ANKRD50: variants seen among roughly 807,000 people sequenced by gnomAD.
ANKRD50 encodes the protein ankyrin repeat domain 50, also known as ankyrin repeat domain-containing protein 50.
In ANKRD50, 40 loss-of-function variants were observed where a neutral mutation model predicts 112.0. The ratio of observed to expected loss-of-function variants is 0.36; its 90% CI spans 0.28 to 0.46. The LOEUF (loss-of-function observed/expected upper bound fraction) is 0.46. Ranked by LOEUF, ANKRD50 falls within the 20% of genes least tolerant of loss-of-function variation. ANKRD50 has a pLI of 1.00. For synonymous variants in ANKRD50, 613 were observed against 619.1 expected (o/e 0.99, Z 0.15); for missense variants, 1,487 against 1,701.7 (o/e 0.87, Z 2.22).
chr4:124,703,300 A>G (rs1022285737), intron 2 of ANKRD50, among the ~76,000 whole-genome samples: 1 of 152,210 alleles, frequency 6.6e-6, no homozygotes, highest in African/African-American at 2.4e-5. Context: ...GTAAATGTGT[A>G]GAGATGAACG....
Position 124,667,015 on chromosome 4 carries a change from A to C in ANKRD50, c.*503T>G, listed in dbSNP as rs1255074538. 1 of 152,036 alleles carries C rather than the reference A, an allele frequency of 6.6e-6. No individual in the cohort carries two copies. Among genetic ancestry groups the C allele is most frequent in the Non-Finnish European group, 1.5e-5 (1 of 67,946 alleles). 9.4% of individuals were successfully genotyped at this position (152,036 alleles called of 1,614,324 possible). On this transcript the variant is annotated 3_prime_UTR_variant, in exon 5 of 5. Transcript: ENST00000504087. ...GCTGAAGGTGTAGTGAACATAGAACAGTTGCAAGATTTGTTTTATTGAGCA... is the reference window on the plus strand; with the variant it reads ...GCTGAAGGTGTAGTGAACATAGAACCGTTGCAAGATTTGTTTTATTGAGCA...
chr4:124,701,265 G>C (rs911324941), intron 2 of ANKRD50, among the ~76,000 whole-genome samples: 1 of 152,074 alleles, frequency 6.6e-6, no homozygotes, highest in South Asian at 2.1e-4. Flanking sequence ...GCCCCACCAA[G>C]AAGTACACTT....
intron 2 of ANKRD50, among the ~76,000 whole-genome samples, chr4:124,686,854 G>A (rs1725017520): frequency 6.6e-6 from 1 of 151,986 alleles, no homozygotes; most frequent in South Asian, 2.1e-4. Flanking sequence ...GTGCACTGAG[G>A]GTACCCACAG....
At chr4:124,684,816 G>A (rs1724971420) in intron 2 of ANKRD50, among the ~76,000 whole-genome samples, 2 of 152,066 alleles carry the variant, frequency 1.3e-5, no homozygotes, top group Non-Finnish European at 2.9e-5. Flanking sequence ...AAAGTAGATA[G>A]GATTCATTCC....
At chr4:124,683,487 ATTG>A (rs1031086778) in intron 2 of ANKRD50, among the ~76,000 whole-genome samples, 11 of 152,030 alleles carry the variant, frequency 7.2e-5, no homozygotes, top group Admixed American at 5.9e-4. Flanking sequence ...GAAATGTAAT[ATTG>A]TTAACTAGTA....
At chr4:124,705,395 C>T (rs1031121620) in intron 2 of ANKRD50, among the ~76,000 whole-genome samples, 6 of 152,170 alleles carry the variant, frequency 3.9e-5, no homozygotes, top group Non-Finnish European at 8.8e-5. Flanking sequence ...ACACTTAACC[C>T]GTGTTACCCC....
chr4:124,665,072 T>TA lies in ANKRD50; in HGVS notation c.*2445_*2446insT, dbSNP rs1730456663. ...TTTCAAAAATATCTATTAAGGAGTT[T>TA]TATATTTGGAGGACAATTTTTACTT... On this transcript the variant is annotated 3_prime_UTR_variant, in exon 5 of 5. Coordinates refer to ENST00000504087, the MANE Select transcript of ANKRD50 (RefSeq NM_020337.3). The TA allele has an allele frequency of 6.6e-6, 1 of 151,904 alleles. No homozygotes were observed. Among genetic ancestry groups the TA allele is most frequent in the Non-Finnish European group, 1.5e-5 (1 of 67,840 alleles). The allele number at this position is 151,904 out of a possible 1,614,324, so 9.4% of individuals were successfully genotyped here. A position where few individuals can be genotyped will look rare whatever the true frequency, so the allele number is the denominator to read the frequency against.
chr4:124,701,950 T>C lies in ANKRD50; in HGVS notation c.512+8050A>G, dbSNP rs141937433. 1.5e-3 allele frequency among the ~76,000 whole-genome samples: 222 copies of C among 151,894 alleles called. 1 individual carries two copies. The highest frequency in any genetic ancestry group is 5.3e-3 in the African/African-American group (220 of 41,422). On this transcript the variant is annotated intron_variant, in intron 2 of 4. Coordinates refer to ENST00000504087, the MANE Select transcript of ANKRD50 (RefSeq NM_020337.3). ...GACCTAAAAGCAAACTGCAAAAAAA[T>C]CAAACCCTCAACATGTATCAAACAA...
intron 2 of ANKRD50, among the ~76,000 whole-genome samples, chr4:124,691,518 A>G (rs1211387068): frequency 1.3e-5 from 2 of 150,834 alleles, no homozygotes; most frequent in East Asian, 3.9e-4. Flanking sequence ...AAAAAAAAAA[A>G]AAAAAAGGAG....
At chr4:124,702,719 C>T (rs764612396) in intron 2 of ANKRD50, among the ~76,000 whole-genome samples, 3 of 152,128 alleles carry the variant, frequency 2.0e-5, no homozygotes, top group Non-Finnish European at 4.4e-5. Flanking sequence ...TCCTTCTTAG[C>T]ACTTATCAAA....
rs781434986 is a variant in ANKRD50, at chr4:124,669,776, A to C, written c.3501T>G (p.Ser1167=). The C allele has an allele frequency of 1.2e-4, 199 of 1,613,058 alleles. No homozygotes were observed. The highest frequency in any genetic ancestry group is 1.6e-4 in the Non-Finnish European group (191 of 1,179,708). The change falls in exon 4 of 5, where the codon TCT becomes TCG. Residue 1167 remains serine (S), a synonymous_variant. Transcript: ENST00000504087. ...PTHAFSSPSE[S]PDSTVDRQKS... ...TCTGCCGGTCAACTGTAGAATCTGG[A>C]GATTCTGAAGGAGAACTAAAAGCAT...
Position 124,666,167 on chromosome 4 carries a change from G to C in ANKRD50, c.*1351C>G, listed in dbSNP as rs546951118. On this transcript the variant is annotated 3_prime_UTR_variant, in exon 5 of 5. Coordinates refer to ENST00000504087, the MANE Select transcript of ANKRD50 (RefSeq NM_020337.3). ...TGACAACTTTTCCAGACATATAAAC[G>C]ACCCATCTAAGCTACAGCTCCACTG... 6.6e-6 allele frequency: 1 copy of C among 152,178 alleles called. No homozygotes were observed. Among genetic ancestry groups the C allele is most frequent in the Non-Finnish European group, 1.5e-5 (1 of 67,870 alleles). 9.4% of individuals were successfully genotyped at this position (152,178 alleles called of 1,614,324 possible).
chr4:124,673,509 T>C (rs1730706050), intron 3 of ANKRD50, among the ~76,000 whole-genome samples: 1 of 150,202 alleles, frequency 6.7e-6, no homozygotes, highest in African/African-American at 2.4e-5. Context: ...TGAACAGCCA[T>C]GGTGGTGGCA....
chr4:124,710,436 T>C lies in ANKRD50; in HGVS notation c.76A>G (p.Arg26Gly). 8.1e-6 allele frequency: 13 copies of C among 1,614,182 alleles called. No individual in the cohort carries two copies. Among genetic ancestry groups the C allele is most frequent in the Non-Finnish European group, 1.1e-5 (13 of 1,180,034 alleles). ...SLLQGKQFYC[R>G]EWVFHKLQHC... is the part of the protein sequence containing the mutation. Reference sequence around the variant, plus strand: ...TGAAGCTTGTGGAAAACCCACTCCCTACAGTAAAACTGCTTCCCTTGCAGT... The same window carrying C: ...TGAAGCTTGTGGAAAACCCACTCCCCACAGTAAAACTGCTTCCCTTGCAGT... Residue 26 changes from arginine to glycine, a missense_variant, in exon 2 of 5, where the codon AGG (arginine) becomes GGG (glycine). By Grantham distance (125) the Arg-to-Gly change is moderately radical. This residue lies in a region of ANKRD50 where 1,046 missense variants were observed against 1,269.5 expected (regional missense o/e 0.82). Transcript: ENST00000504087.
At position 124,669,895 on chromosome 4, in the gene ANKRD50, C is replaced by G. The variant is rs1474515863; in HGVS notation, c.3382G>C (p.Val1128Leu). The change falls in exon 4 of 5, where the codon GTG becomes CTG. Residue 1128 changes from valine (V) to leucine (L), a missense_variant. Val to Leu is a conservative substitution (Grantham distance 32). Coordinates refer to ENST00000504087, the MANE Select transcript of ANKRD50 (RefSeq NM_020337.3). ...QKPLQSLSSK[V>L]QSLTIKSNSS... ...TTTGATTTAATTGTTAATGACTGCA[C>G]TTTTGAAGACAATGACTGTAGAGGT... 3 of 1,613,430 alleles carry G rather than the reference C, an allele frequency of 1.9e-6. No individual in the cohort carries two copies. The highest frequency in any genetic ancestry group is 2.5e-6 in the Non-Finnish European group (3 of 1,179,796).
intron 3 of ANKRD50, among the ~76,000 whole-genome samples, chr4:124,675,696 GATAAA>G (rs1730757831): frequency 6.6e-6 from 1 of 151,698 alleles, no homozygotes. Flanking sequence ...TTTATAATCA[GATAAA>G]ATAAACACAT....
chr4:124,694,750 G>A (rs1222024033), intron 2 of ANKRD50, among the ~76,000 whole-genome samples: 2 of 152,132 alleles, frequency 1.3e-5, no homozygotes, highest in African/African-American at 4.8e-5. Flanking sequence ...TATCAGCTTG[G>A]AGTAGGAACT....
At chr4:124,711,888 T>C (rs1725641301) in intron 1 of ANKRD50, among the ~76,000 whole-genome samples, 1 of 152,192 alleles carries the variant, frequency 6.6e-6, no homozygotes, top group Admixed American at 6.5e-5. Flanking sequence ...TCTACCAGTC[T>C]GGCCGGAGAA....
Position 124,665,501 on chromosome 4 carries a change from A to G in ANKRD50, c.*2017T>C, listed in dbSNP as rs1352959310. 6.6e-6 allele frequency: 1 copy of G among 152,410 alleles called. No individual in the cohort carries two copies. The highest frequency in any genetic ancestry group is 2.4e-5 in the African/African-American group (1 of 41,424). 9.4% of individuals were successfully genotyped at this position (152,410 alleles called of 1,614,324 possible). ...TGGCAGCTTTCAGGGTTCTCTTTCT[A>G]AAGAAAATTACATGTAATAGAAATT... On this transcript the variant is annotated 3_prime_UTR_variant, in exon 5 of 5. Coordinates refer to ENST00000504087, the MANE Select transcript of ANKRD50 (RefSeq NM_020337.3).
Sources: allele counts gnomAD v4.1 joint callset (sites outside exome capture counted in the v4.1 genomes callset), GRCh38; gene constraint gnomAD v4.1.1; regional missense constraint gnomAD v4.1.1; transcripts MANE v1.5; gene names NCBI Gene and HGNC (gene_info 2026-07-23, HGNC 2026-07-21).